The following SEMA3E variants were observed in gnomAD, a reference collection of about 807,000 sequenced individuals.
SEMA3E encodes semaphorin-3E.
SEMA3E carries 49 observed loss-of-function variants against 93.6 expected under a neutral mutation model. The observed-to-expected ratio is 0.52, with a 90% CI of 0.42 to 0.66. The LOEUF (loss-of-function observed/expected upper bound fraction) is 0.66, where lower values mean the gene tolerates loss of function less well. Ranked by LOEUF, SEMA3E falls within the 30% of genes least tolerant of loss-of-function variation. SEMA3E has a pLI of 0.00. For synonymous variants in SEMA3E, 363 were observed against 330.7 expected (o/e 1.10, Z -1.06); for missense variants, 906 against 964.8 (o/e 0.94, Z 0.81).
chr7:83,648,442 C>G lies in SEMA3E; in HGVS notation c.101G>C (p.Arg34Pro), dbSNP rs1422556163. ...HTADTTHPRLRLSHKELLNLN... is the reference protein window; with the variant it reads ...HTADTTHPRLPLSHKELLNLN... ...AGGTAACCTACCTTTATGTGACAGGCGTAACCGGGGGTGGGTAGTATCAGC... is the reference window on the plus strand; with the variant it reads ...AGGTAACCTACCTTTATGTGACAGGGGTAACCGGGGGTGGGTAGTATCAGC... The change falls in exon 1 of 17, where the codon CGC (arginine) becomes CCC (proline). Residue 34 changes from arginine to proline, a missense_variant. Arg to Pro is a moderately radical substitution (Grantham distance 103, BLOSUM62 -2). Coordinates refer to ENST00000643230, the MANE Select transcript of SEMA3E (RefSeq NM_012431.3). 2 of 1,604,282 alleles carry G rather than the reference C, an allele frequency of 1.2e-6. No individual in the cohort carries two copies. The highest frequency in any genetic ancestry group is 1.1e-5 in the South Asian group (1 of 90,858).
At chr7:83,436,825 G>A (rs531587322) in intron 4 of SEMA3E, among the ~76,000 whole-genome samples, 2 of 152,216 alleles carry the variant, frequency 1.3e-5, no homozygotes, top group South Asian at 2.1e-4. Context: ...ATCTATATGG[G>A]TGGTTGTATT....
chr7:83,620,827 T>C (rs1256233889), intron 1 of SEMA3E, among the ~76,000 whole-genome samples: 2 of 152,134 alleles, frequency 1.3e-5, no homozygotes, highest in Non-Finnish European at 2.9e-5. Context: ...ATAAACTAGA[T>C]ATTGAAGTAA....
intron 4 of SEMA3E, among the ~76,000 whole-genome samples, chr7:83,438,831 T>C (rs1789054405): frequency 6.6e-6 from 1 of 152,156 alleles, no homozygotes; most frequent in Non-Finnish European, 1.5e-5. Flanking sequence ...ATGTATACAC[T>C]TTTAAAAATT....
At chr7:83,532,859 G>T (rs1791332158) in intron 1 of SEMA3E, among the ~76,000 whole-genome samples, 1 of 151,752 alleles carries the variant, frequency 6.6e-6, no homozygotes, top group African/African-American at 2.4e-5. Context: ...GTGTGTGTTT[G>T]TTAATTAATT....
chr7:83,457,405 C>G (rs1214645337), intron 4 of SEMA3E, among the ~76,000 whole-genome samples: 2 of 152,174 alleles, frequency 1.3e-5, no homozygotes, highest in South Asian at 2.1e-4. Flanking sequence ...TAGATTCTTA[C>G]AAAAACCTAC....
At chr7:83,629,270 C>T (rs1223944649) in intron 1 of SEMA3E, among the ~76,000 whole-genome samples, 1 of 152,172 alleles carries the variant, frequency 6.6e-6, no homozygotes, top group Non-Finnish European at 1.5e-5. Flanking sequence ...ATCTTCCCAT[C>T]AGGAGGCCTG....
chr7:83,414,616 A>AT (rs1469686050), intron 5 of SEMA3E, among the ~76,000 whole-genome samples: 2 of 152,100 alleles, frequency 1.3e-5, no homozygotes, highest in African/African-American at 4.8e-5. Flanking sequence ...CTTATTAGTG[A>AT]TTATTTGTTA....
At chr7:83,623,390 A>G (rs1396966661) in intron 1 of SEMA3E, among the ~76,000 whole-genome samples, 2 of 152,166 alleles carry the variant, frequency 1.3e-5, no homozygotes, top group Non-Finnish European at 2.9e-5. Context: ...ATGAATAAGC[A>G]ACATGTACAA....
At chr7:83,630,542 G>A (rs558813793) in intron 1 of SEMA3E, among the ~76,000 whole-genome samples, 1 of 152,262 alleles carries the variant, frequency 6.6e-6, no homozygotes, top group South Asian at 2.1e-4. Flanking sequence ...ATTTATGGTA[G>A]AGCAGTGAGT....
chr7:83,582,833 C>T (rs1426955842), intron 1 of SEMA3E, among the ~76,000 whole-genome samples: 1 of 151,770 alleles, frequency 6.6e-6, no homozygotes, highest in East Asian at 1.9e-4. Flanking sequence ...CACAAATACA[C>T]ATATAAATAT....
At chr7:83,396,220 T>G (rs886354937) in intron 12 of SEMA3E, among the ~76,000 whole-genome samples, 1 of 152,180 alleles carries the variant, frequency 6.6e-6, no homozygotes, top group Non-Finnish European at 1.5e-5. Context: ...CTATTGTTTT[T>G]CTTTTTTAGT....
At chr7:83,395,948 C>A (rs146011017) in intron 12 of SEMA3E, among the ~76,000 whole-genome samples, 3,138 of 151,984 alleles carry the variant, frequency 0.021, 50 homozygotes, top group Middle Eastern at 0.045. Flanking sequence ...TGGAACATAA[C>A]CCTGTATTTC....
At chr7:83,562,800 A>G (rs987004036) in intron 1 of SEMA3E, among the ~76,000 whole-genome samples, 4 of 152,054 alleles carry the variant, frequency 2.6e-5, no homozygotes, top group African/African-American at 7.2e-5. Context: ...TATCCAATCT[A>G]TCTCCAAAAA....
chr7:83,383,949 G>A (rs1787831636), intron 16 of SEMA3E, among the ~76,000 whole-genome samples: 1 of 152,002 alleles, frequency 6.6e-6, no homozygotes, highest in Admixed American at 6.6e-5. Flanking sequence ...TTGTGAAGTG[G>A]AAAATACTTT....
chr7:83,369,298 G>A (rs1443119366), intron 16 of SEMA3E, among the ~76,000 whole-genome samples: 1 of 152,186 alleles, frequency 6.6e-6, no homozygotes, highest in African/African-American at 2.4e-5. Flanking sequence ...TCCTGGCCAG[G>A]CATGCCAGAC....
At position 83,566,358 on chromosome 7, in the gene SEMA3E, C is replaced by T. The variant is rs575356999; in HGVS notation, c.116-76084G>A. 5.8e-4 allele frequency among the ~76,000 whole-genome samples: 88 copies of T among 152,142 alleles called. 1 individual carries two copies. The highest frequency in any genetic ancestry group is 2.0e-3 in the African/African-American group (83 of 41,530). On this transcript the variant is annotated intron_variant, in intron 1 of 16. Coordinates refer to ENST00000643230, the MANE Select transcript of SEMA3E (RefSeq NM_012431.3). ...ATATCAAACTCTTTTAACCCTTTCTCGTATGCTGTTATTGCAACCTTATAA... is the reference window on the plus strand; with the variant it reads ...ATATCAAACTCTTTTAACCCTTTCTTGTATGCTGTTATTGCAACCTTATAA...
chr7:83,496,115 C>T (rs1322900990), intron 1 of SEMA3E, among the ~76,000 whole-genome samples: 2 of 151,852 alleles, frequency 1.3e-5, no homozygotes, highest in Non-Finnish European at 2.9e-5. Context: ...ATACTATTAT[C>T]CCCATTTTCT....
At chr7:83,528,623 A>G (rs912733894) in intron 1 of SEMA3E, among the ~76,000 whole-genome samples, 1 of 152,096 alleles carries the variant, frequency 6.6e-6, no homozygotes, top group African/African-American at 2.4e-5. Flanking sequence ...AGTAAAACCT[A>G]AGTCTTCATT....
At chr7:83,482,541 C>T (rs1292322305) in intron 2 of SEMA3E, among the ~76,000 whole-genome samples, 1 of 126,366 alleles carries the variant, frequency 7.9e-6, no homozygotes, top group Non-Finnish European at 1.6e-5. Context: ...CTCCAGCCTG[C>T]GCGACAGAGC....
Sources: gnomAD v4.1 joint callset for allele counts (sites outside exome capture counted in the v4.1 genomes callset) on GRCh38, gnomAD v4.1.1 for gene constraint, MANE v1.5 for transcripts, NCBI Gene and HGNC (gene_info 2026-07-23, HGNC 2026-07-21) for gene names.